PDE8B: variants seen among roughly 807,000 people sequenced by gnomAD.
PDE8B encodes phosphodiesterase 8B, also known as high affinity cAMP-specific and IBMX-insensitive 3',5'-cyclic phosphodiesterase 8B.
PDE8B carries 26 observed loss-of-function variants against 101.3 expected under a neutral mutation model. That is an observed-to-expected ratio of 0.26 (90% CI 0.19 to 0.36). The LOEUF (loss-of-function observed/expected upper bound fraction) is 0.36. Among genes scored for constraint, PDE8B ranks in the 10% least tolerant of loss-of-function variants. The pLI is 1.00. For missense variants in PDE8B, 810 were observed against 1,163.1 expected (o/e 0.70, Z 4.42); for synonymous variants, 424 against 429.3 (o/e 0.99, Z 0.15).
At chr5:77,130,923 A>C in the PDE8B span, among the ~76,000 whole-genome samples, 2 of 152,222 alleles carry the variant, frequency 1.3e-5, no homozygotes, top group Non-Finnish European at 2.9e-5. Flanking sequence ...GCTTGCTCAA[A>C]GTCATATGAC....
upstream of PDE8B, among the ~76,000 whole-genome samples, chr5:77,208,184 G>T (rs1747658191): frequency 6.6e-6 from 1 of 152,258 alleles, no homozygotes; most frequent in South Asian, 2.1e-4. Flanking sequence ...CCAGAAGATT[G>T]GTTGTAATTT....
intron 11 of PDE8B, among the ~76,000 whole-genome samples, chr5:77,403,669 A>G (rs1792787473): frequency 6.6e-6 from 1 of 152,130 alleles, no homozygotes; most frequent in Non-Finnish European, 1.5e-5. Context: ...AAATTAGGAA[A>G]AGAGATAGTA....
chr5:77,090,017 G>A, the PDE8B span, among the ~76,000 whole-genome samples: 1 of 152,148 alleles, frequency 6.6e-6, no homozygotes, highest in Non-Finnish European at 1.5e-5. Context: ...AGGCCATCTT[G>A]TTAAGTGAAA....
intron 13 of PDE8B, 117 bp downstream of exon 13, chr5:77,407,574 GGCAAATAAACACATA>G (rs1346193691): frequency 3.9e-6 from 3 of 775,658 alleles, no homozygotes; most frequent in South Asian, 1.4e-5. Flanking sequence ...GCAAATAACA[GGCAAATAAACACATA>G]GCAAATAAAC....
the PDE8B span, among the ~76,000 whole-genome samples, chr5:77,198,892 A>C: frequency 8.5e-5 from 13 of 152,182 alleles, no homozygotes; most frequent in South Asian, 4.2e-4. Context: ...ATTCCAAATA[A>C]ATTTGTGAGA....
chr5:77,120,907 A>C, the PDE8B span, among the ~76,000 whole-genome samples: 1 of 152,218 alleles, frequency 6.6e-6, no homozygotes, highest in Non-Finnish European at 1.5e-5. Flanking sequence ...TTCCCAGGGT[A>C]GGGAGCTAGA....
chr5:77,404,419 C>T (rs1008220482), intron 11 of PDE8B, among the ~76,000 whole-genome samples: 11 of 152,178 alleles, frequency 7.2e-5, no homozygotes, highest in South Asian at 2.1e-4. Flanking sequence ...TGAGGCCCTG[C>T]GCCCGGCCTA....
chr5:77,246,979 T>C (rs187723075), intron 1 of PDE8B: 8 of 152,352 alleles, frequency 5.3e-5, no homozygotes, highest in African/African-American at 1.7e-4. Flanking sequence ...GTGATAATCG[T>C]AGTTCCTACC....
intron 1 of PDE8B, among the ~76,000 whole-genome samples, chr5:77,309,662 C>A (rs1369046938): frequency 6.6e-6 from 1 of 152,128 alleles, no homozygotes; most frequent in South Asian, 2.1e-4. Context: ...CTCTGCTGCC[C>A]AGGCTGAAGT....
the PDE8B span, among the ~76,000 whole-genome samples, chr5:77,166,318 A>T: frequency 6.6e-6 from 1 of 151,998 alleles, no homozygotes; most frequent in African/African-American, 2.4e-5. Context: ...CCCAGAATTC[A>T]GGCCACCGGC....
chr5:77,427,092 T>TA lies in PDE8B; in HGVS notation c.*541dup, dbSNP rs549729917. 9.1e-4 allele frequency: 146 copies of TA among 160,764 alleles called. 1 individual carries two copies. Among genetic ancestry groups the TA allele is most frequent in the Admixed American group, 4.2e-3 (72 of 17,056 alleles). 10.0% of individuals were successfully genotyped at this position (160,764 alleles called of 1,614,324 possible). On this transcript the variant is annotated 3_prime_UTR_variant, in exon 22 of 22. Transcript: ENST00000264917. The stretch of plus-strand genomic sequence containing the variant: ...GAAACAACTAGGACCAAATTACAGA[T>TA]AAACTAGTTAGCTTCACAGCCTCTA...
At chr5:77,374,902 T>C (rs1379252543) in intron 10 of PDE8B, among the ~76,000 whole-genome samples, 1 of 152,150 alleles carries the variant, frequency 6.6e-6, no homozygotes, top group Non-Finnish European at 1.5e-5. Flanking sequence ...CTCAGCTGTC[T>C]CCCTCTGTAG....
At chr5:77,325,462 C>T in intron 2 of PDE8B, 77 bp from the exon 3 acceptor site, 1 of 1,340,054 alleles carries the variant, frequency 7.5e-7, no homozygotes, top group Non-Finnish European at 1.1e-6. Flanking sequence ...AGCCACTGCG[C>T]CTGGCCACTA....
intron 1 of PDE8B, among the ~76,000 whole-genome samples, chr5:77,301,343 G>A (rs773607289): frequency 7.2e-5 from 11 of 152,190 alleles, no homozygotes; most frequent in Non-Finnish European, 1.6e-4. Flanking sequence ...GGTGGTTTCT[G>A]TTTCTTTGCC....
chr5:77,175,319 C>T, the PDE8B span, among the ~76,000 whole-genome samples: 9 of 152,290 alleles, frequency 5.9e-5, no homozygotes, highest in African/African-American at 1.9e-4. Flanking sequence ...TTCTTCTCTG[C>T]TTAAAATTCT....
intron 1 of PDE8B, among the ~76,000 whole-genome samples, chr5:77,300,453 A>G (rs527707448): frequency 2.6e-5 from 4 of 152,122 alleles, no homozygotes; most frequent in African/African-American, 9.6e-5. Flanking sequence ...GTTTGGGGAG[A>G]TGGGAGGGGG....
intron 2 of PDE8B, among the ~76,000 whole-genome samples, chr5:77,318,055 CAAA>C (rs55952764): frequency 1.7e-5 from 1 of 57,190 alleles, no homozygotes; most frequent in Non-Finnish European, 3.2e-5. Flanking sequence ...GACTCCATCT[CAAA>C]AAAAAAAAAA....
chr5:77,295,597 GCCAATTGC>G (rs796564708), intron 1 of PDE8B, among the ~76,000 whole-genome samples: 113 of 152,238 alleles, frequency 7.4e-4, no homozygotes, highest in African/African-American at 2.6e-3. Context: ...AGCTTGTGTG[GCCAATTGC>G]CCACCCAAAG....
At chr5:77,191,266 G>A in the PDE8B span, among the ~76,000 whole-genome samples, 2 of 152,078 alleles carry the variant, frequency 1.3e-5, no homozygotes, top group South Asian at 4.1e-4. Flanking sequence ...AATTTTGGGG[G>A]ACAGACTTCA....
Sources: allele counts gnomAD v4.1 joint callset (sites outside exome capture counted in the v4.1 genomes callset), GRCh38; gene constraint gnomAD v4.1.1; transcripts MANE v1.5; gene names NCBI Gene and HGNC (gene_info 2026-07-23, HGNC 2026-07-21).